SLC7A4: variants seen among roughly 807,000 people sequenced by gnomAD.
SLC7A4 encodes solute carrier family 7 member 4.
Under a neutral mutation model 37.8 loss-of-function variants are expected in SLC7A4, and 30 were observed. That is an observed-to-expected ratio of 0.79 (90% confidence interval 0.59 to 1.08). The LOEUF (loss-of-function observed/expected upper bound fraction) is 1.08, where lower values mean the gene tolerates loss of function less well. SLC7A4 is among the 50% of genes least tolerant of loss of function. The pLI, the probability that SLC7A4 is intolerant of heterozygous loss-of-function variation, is 0.00. For synonymous variants in SLC7A4, 359 were observed against 376.5 expected (o/e 0.95, Z 0.54); for missense variants, 839 against 843.2 (o/e 1.00, Z 0.06).
chr22:21,031,017 GC>G lies in SLC7A4; in HGVS notation c.795del (p.Arg266GlyfsTer25). The G allele has an allele frequency of 6.2e-7, 1 of 1,614,086 alleles. No individual in the cohort carries two copies. The highest frequency in any genetic ancestry group is 8.5e-7 in the Non-Finnish European group (1 of 1,179,984). Reference sequence around the variant, plus strand: ...ATGGCGATGGCCAGAGGCACAGACCGCCGTGGGTTCTGGGCCTCCTCACTGG... The same window carrying G: ...ATGGCGATGGCCAGAGGCACAGACCGCGTGGGTTCTGGGCCTCCTCACTGG... ...AASSEEAQNPRRSVPLAIAIS... is the reference protein window; with the variant it reads ...AASSEEAQNPXRSVPLAIAIS... On this transcript the variant is annotated frameshift_variant, in exon 2 of 5. Transcript: ENST00000382932. LOFTEE classifies it high-confidence loss of function.
In SLC7A4 at chr22:21,030,239, C is replaced by G. The variant is rs750999302; in HGVS notation, c.1095G>C (p.Gln365His). 2 of 1,613,894 alleles carry G rather than the reference C, an allele frequency of 1.2e-6. No homozygotes were observed. The highest frequency in any genetic ancestry group is 1.7e-6 in the Non-Finnish European group (2 of 1,180,036). Residue 365 changes from glutamine (Q) to histidine (H), a missense_variant, in exon 3 of 5, where the codon CAG becomes CAC. Gln to His is a conservative substitution (Grantham distance 24). Transcript: ENST00000382932. ...QVFAHVHPRT[Q>H]VPVAGTLAFG... ...ACGCCAGGGTGCCCGCCACAGGCACCTGTGTCCGGGGGTGCACATGGGCAA... is the reference window on the plus strand; with the variant it reads ...ACGCCAGGGTGCCCGCCACAGGCACGTGTGTCCGGGGGTGCACATGGGCAA...
rs929937887 is a variant in SLC7A4, at chr22:21,030,448, G to A, written c.983-97C>T. The A allele has an allele frequency of 5.7e-6, 7 of 1,229,164 alleles. No homozygotes were observed. In the South Asian group the frequency reaches 8.9e-5, roughly 16 times the overall value. The allele number at this position is 1,229,164 out of a possible 1,614,324, so 76.1% of individuals were successfully genotyped here. A position where few individuals can be genotyped will look rare whatever the true frequency, so the allele number is the denominator to read the frequency against. On this transcript the variant is annotated intron_variant, in intron 2 of 4. Coordinates refer to ENST00000382932, the MANE Select transcript of SLC7A4 (RefSeq NM_004173.3). ...CATGGGTGGCTCCTTGGGAACAAGGGCATGAGCTTGTCTGGGCTCTCAGAG... is the reference window on the plus strand; with the variant it reads ...CATGGGTGGCTCCTTGGGAACAAGGACATGAGCTTGTCTGGGCTCTCAGAG...
intron 3 of SLC7A4, 106 bp downstream of exon 3, chr22:21,029,605 T>C (rs912437165): frequency 2.3e-6 from 3 of 1,276,942 alleles, no homozygotes; most frequent in African/African-American, 1.5e-5. Flanking sequence ...GATGGGTGTG[T>C]GGTCCTCCCC....
rs780395046 is a variant in SLC7A4 at position 21,029,251 on chromosome 22, G to A, written c.1733-21C>T. ...AAGTCCTAGACAGGGCAGGAGGCAG[G>A]GCATGAGCCTGAGGTACAGGTTCCA... On this transcript the variant is annotated intron_variant, in intron 4 of 4. Transcript: ENST00000382932. 4 of 1,613,210 alleles carry A rather than the reference G, an allele frequency of 2.5e-6. No homozygotes were observed. The African/African-American group carries it at 4.0e-5, about 16-fold the overall frequency.
chr22:21,030,062 G>A lies in SLC7A4; in HGVS notation c.1272C>T (p.Gly424=). 6.2e-7 allele frequency: 1 copy of A among 1,612,228 alleles called. No individual in the cohort carries two copies. Among genetic ancestry groups the A allele is most frequent in the Non-Finnish European group, 8.5e-7 (1 of 1,179,318 alleles). ...FQKSSPPSSP[G]PASPGPLTKQ... ...TGGTCAGGGGGCCAGGGCTGGCTGG[G>A]CCTGGGGAGCTGGGCGGGGAAGACT... The change falls in exon 3 of 5, where the codon GGC becomes GGT. Residue 424 remains glycine (G), a synonymous_variant. Coordinates refer to ENST00000382932, the MANE Select transcript of SLC7A4 (RefSeq NM_004173.3).
Position 21,029,093 on chromosome 22 carries a change from T to G in SLC7A4, c.1870A>C (p.Ser624Arg). The G allele has an allele frequency of 1.2e-6, 2 of 1,612,372 alleles. No homozygotes were observed. Among genetic ancestry groups the G allele is most frequent in the Non-Finnish European group, 1.7e-6 (2 of 1,179,760 alleles). The change falls in exon 5 of 5, where the codon AGC (serine) becomes CGC (arginine). Residue 624 changes from serine to arginine, a missense_variant. Coordinates refer to ENST00000382932, the MANE Select transcript of SLC7A4 (RefSeq NM_004173.3). The part of the protein sequence containing the change: ...EETVQAMQPP[S>R]QAPAQDPGHM... ...CCAGGGTCCTGTGCTGGTGCCTGGC[T>G]GGGGGGCTGCATAGCCTGCACTGTC...
At position 21,030,228 on chromosome 22, in the gene SLC7A4, G is replaced by A. The variant is rs781593901; in HGVS notation, c.1106C>T (p.Ala369Val). ...HVHPRTQVPV[A>V]GTLAFGLLTA... is the part of the protein sequence containing the mutation. ...GAGGAGCCCGAACGCCAGGGTGCCC[G>A]CCACAGGCACCTGTGTCCGGGGGTG... The change falls in exon 3 of 5, where the codon GCG becomes GTG. Residue 369 changes from alanine to valine, a missense_variant. Ala to Val is a moderately conservative substitution (Grantham distance 64). Coordinates refer to ENST00000382932, the MANE Select transcript of SLC7A4 (RefSeq NM_004173.3). The A allele has an allele frequency of 2.5e-5, 41 of 1,613,730 alleles. No homozygotes were observed. The highest frequency in any genetic ancestry group is 4.0e-5 in the African/African-American group (3 of 74,930).
chr22:21,031,658 C>G lies in SLC7A4; in HGVS notation c.155G>C (p.Gly52Ala), dbSNP rs1928889818. ...ACCTGTGAGCACGTAGAGACCCGAG[C>G]CCACCATGCCACCCACGCCCAGAAG... ...LTLLGVGGMV[G>A]SGLYVLTGAV... Residue 52 changes from glycine to alanine, a missense_variant, in exon 2 of 5, where the codon GGC becomes GCC. By Grantham distance (60) the Gly-to-Ala change is moderately conservative. Coordinates refer to ENST00000382932, the MANE Select transcript of SLC7A4 (RefSeq NM_004173.3). The G allele has an allele frequency of 1.9e-6, 3 of 1,612,950 alleles. No individual in the cohort carries two copies. Among genetic ancestry groups the G allele is most frequent in the Non-Finnish European group, 2.5e-6 (3 of 1,179,614 alleles).
Position 21,031,043 on chromosome 22 carries a change from GA to G in SLC7A4, c.769del (p.Ser257ProfsTer34). ...AFVGFDVIAA[S>X]SEEAQNPRRS... The stretch of plus-strand genomic sequence containing the variant: ...CCGTGGGTTCTGGGCCTCCTCACTG[GA>G]GGCGGCAATGACGTCGAAGCCCACG... On this transcript the variant is annotated frameshift_variant, in exon 2 of 5. Coordinates refer to ENST00000382932, the MANE Select transcript of SLC7A4 (RefSeq NM_004173.3). LOFTEE classifies it high-confidence loss of function. The G allele has an allele frequency of 1.9e-6, 3 of 1,614,164 alleles. No homozygotes were observed. The South Asian group carries it at 3.3e-5, about 18-fold the overall frequency.
In SLC7A4 at chr22:21,031,147, C is replaced by G. The variant is rs755756034; in HGVS notation, c.666G>C (p.Trp222Cys). The change falls in exon 2 of 5, where the codon TGG (tryptophan) becomes TGC (cysteine). Residue 222 changes from tryptophan (W) to cysteine (C), a missense_variant. Trp to Cys is a radical substitution (Grantham distance 215). Transcript: ENST00000382932. ...GTGCAAAGCCGCCTTCGTCAGCGCT[C>G]CAGTTGTGAGGCTGGGCCAGGATGA... Reference protein sequence around the residue: ...LGFILAQPHNWSADEGGFAPF... With the variant: ...LGFILAQPHNCSADEGGFAPF... 6.2e-7 allele frequency: 1 copy of G among 1,613,590 alleles called. No homozygotes were observed. Among genetic ancestry groups the G allele is most frequent in the East Asian group, 2.2e-5 (1 of 44,870 alleles).
chr22:21,031,033 C>A lies in SLC7A4; in HGVS notation c.780G>T (p.Glu260Asp). ...GCACAGACCGCCGTGGGTTCTGGGCCTCCTCACTGGAGGCGGCAATGACGT... is the reference window on the plus strand; with the variant it reads ...GCACAGACCGCCGTGGGTTCTGGGCATCCTCACTGGAGGCGGCAATGACGT... Reference protein sequence around the residue: ...GFDVIAASSEEAQNPRRSVPL... With the variant: ...GFDVIAASSEDAQNPRRSVPL... The change falls in exon 2 of 5, where the codon GAG (glutamate) becomes GAT (aspartate). Residue 260 changes from glutamate to aspartate, a missense_variant. Coordinates refer to ENST00000382932, the MANE Select transcript of SLC7A4 (RefSeq NM_004173.3). The A allele has an allele frequency of 6.2e-7, 1 of 1,614,118 alleles. No homozygotes were observed. Among genetic ancestry groups the A allele is most frequent in the Non-Finnish European group, 8.5e-7 (1 of 1,180,012 alleles).
intron 4 of SLC7A4, 21 bp from the exon 5 acceptor site, chr22:21,029,251 G>C (rs780395046): frequency 6.2e-7 from 1 of 1,613,330 alleles, no homozygotes; most frequent in East Asian, 2.2e-5. Flanking sequence ...CAGGAGGCAG[G>C]GCATGAGCCT....
chr22:21,031,053 T>A lies in SLC7A4; in HGVS notation c.760A>T (p.Ile254Phe), dbSNP rs906789984. ...CFYAFVGFDV[I>F]AASSEEAQNP... The stretch of plus-strand genomic sequence containing the variant: ...TGGGCCTCCTCACTGGAGGCGGCAA[T>A]GACGTCGAAGCCCACGAAAGCATAG... Residue 254 changes from isoleucine to phenylalanine, a missense_variant, in exon 2 of 5, where the codon ATT (isoleucine) becomes TTT (phenylalanine). Transcript: ENST00000382932. 7 of 1,613,858 alleles carry A rather than the reference T, an allele frequency of 4.3e-6. No individual in the cohort carries two copies. In the African/African-American group the frequency reaches 8.0e-5, roughly 18 times the overall value.
chr22:21,029,662 A>G, intron 3 of SLC7A4, 49 bp downstream of exon 3: 1 of 1,559,836 alleles, frequency 6.4e-7, no homozygotes, highest in Non-Finnish European at 8.7e-7. Flanking sequence ...GGGGAAGGGG[A>G]GGCAGCTGCC....
chr22:21,032,315 A>T (rs1334710361), intron 1 of SLC7A4, among the ~76,000 whole-genome samples: 1 of 152,072 alleles, frequency 6.6e-6, no homozygotes, highest in African/African-American at 2.4e-5. Context: ...GCGGCTACAT[A>T]CACCCCCGCC....
rs756383828 is a variant in SLC7A4, at chr22:21,030,249, G to A, written c.1085C>T (p.Pro362Leu). Residue 362 changes from proline (P) to leucine (L), a missense_variant, in exon 3 of 5, where the codon CCC (proline) becomes CTC (leucine). Pro to Leu is a moderately conservative substitution (Grantham distance 98). Coordinates refer to ENST00000382932, the MANE Select transcript of SLC7A4 (RefSeq NM_004173.3). The stretch of plus-strand genomic sequence containing the variant: ...GCCCGCCACAGGCACCTGTGTCCGG[G>A]GGTGCACATGGGCAAACACCTGGAA... ...LFFQVFAHVH[P>L]RTQVPVAGTL... 2 of 1,613,888 alleles carry A rather than the reference G, an allele frequency of 1.2e-6. No individual in the cohort carries two copies. Among genetic ancestry groups the A allele is most frequent in the South Asian group, 1.1e-5 (1 of 91,076 alleles).
chr22:21,032,060 A>G (rs1170786318), intron 1 of SLC7A4, among the ~76,000 whole-genome samples: 2 of 152,210 alleles, frequency 1.3e-5, no homozygotes, highest in Non-Finnish European at 2.9e-5. Flanking sequence ...CCCTGTCTGC[A>G]TCCCAGGCAG....
At position 21,028,954 on chromosome 22, in the gene SLC7A4, G is replaced by T; in HGVS notation, c.*101C>A. ...AGGACTCCCCAGCCTGTGCAGGCCT[G>T]CAAACCCAGGCTGCCCACAACAGAA... On this transcript the variant is annotated 3_prime_UTR_variant, in exon 5 of 5. Coordinates refer to ENST00000382932, the MANE Select transcript of SLC7A4 (RefSeq NM_004173.3). 7.6e-7 allele frequency: 1 copy of T among 1,322,436 alleles called. No homozygotes were observed. Among genetic ancestry groups the T allele is most frequent in the Non-Finnish European group, 1.0e-6 (1 of 984,138 alleles). 81.9% of individuals were successfully genotyped at this position (1,322,436 alleles called of 1,614,324 possible). A position where few individuals can be genotyped will look rare whatever the true frequency, so the allele number is the denominator to read the frequency against.
rs1928782381 is a variant in SLC7A4, at chr22:21,029,095, G to T, written c.1868C>A (p.Pro623His). The change falls in exon 5 of 5, where the codon CCC becomes CAC. Residue 623 changes from proline to histidine, a missense_variant. Pro to His is a moderately conservative substitution (Grantham distance 77, BLOSUM62 -2). Transcript: ENST00000382932. ...LEETVQAMQP[P>H]SQAPAQDPGH... ...AGGGTCCTGTGCTGGTGCCTGGCTG[G>T]GGGGCTGCATAGCCTGCACTGTCTC... 1 of 1,612,308 alleles carries T rather than the reference G, an allele frequency of 6.2e-7. No homozygotes were observed. Among genetic ancestry groups the T allele is most frequent in the East Asian group, 2.2e-5 (1 of 44,882 alleles).
Sources: allele counts gnomAD v4.1 joint callset (sites outside exome capture counted in the v4.1 genomes callset), GRCh38; gene constraint gnomAD v4.1.1; transcripts MANE v1.5; gene names NCBI Gene and HGNC (gene_info 2026-07-23, HGNC 2026-07-21).